MFSD6: variants seen among roughly 807,000 people sequenced by gnomAD.
MFSD6 encodes major facilitator superfamily domain-containing protein 6.
In MFSD6, 26 loss-of-function variants were observed where a neutral mutation model predicts 56.3. The ratio of observed to expected loss-of-function variants is 0.46; its 90% CI spans 0.34 to 0.64. The LOEUF is 0.64. Ranked by LOEUF, MFSD6 falls within the 30% of genes least tolerant of loss-of-function variation. MFSD6 has a pLI of 0.01. For missense variants in MFSD6, 750 were observed against 986.2 expected (o/e 0.76, Z 3.21); for synonymous variants, 331 against 366.9 (o/e 0.90, Z 1.12).
In MFSD6 at chr2:190,462,634, G is replaced by A. The variant is rs1401400789; in HGVS notation, c.1533-7124G>A. ...GAGTCCTCTAATGGAAACAAAGAGT[G>A]TAGCAGAGGAACAGCGGGGGACAGG... On this transcript the variant is annotated intron_variant, in intron 3 of 7. Coordinates refer to ENST00000392328, the MANE Select transcript of MFSD6 (RefSeq NM_017694.4). This position sits in a 1 kb window ranked among gnomAD's most constrained non-coding sequence, Gnocchi z 5.7. Among the ~76,000 whole-genome samples, 2 of 152,164 alleles carry A rather than the reference G, an allele frequency of 1.3e-5. No homozygotes were observed. The highest frequency in any genetic ancestry group is 2.9e-5 in the Non-Finnish European group (2 of 68,022).
intron 1 of MFSD6, among the ~76,000 whole-genome samples, chr2:190,409,869 T>C (rs1374265540): frequency 6.6e-6 from 1 of 152,170 alleles, no homozygotes; most frequent in Non-Finnish European, 1.5e-5. Context: ...ATGGCTTGTA[T>C]TTATCACGAG....
rs1687170391 is a variant in MFSD6, at chr2:190,458,728, AGAGAAGC to A, written c.1533-11029_1533-11023del. Among the ~76,000 whole-genome samples the A allele has an allele frequency of 6.6e-6, 1 of 152,188 alleles. No homozygotes were observed. Among genetic ancestry groups the A allele is most frequent in the African/African-American group, 2.4e-5 (1 of 41,450 alleles). The stretch of plus-strand genomic sequence containing the variant: ...GTGAAAGTGGCAAAAATCCTTACCC[AGAGAAGC>A]TTAAGTAAAATGGGGACTGTATTGT... On this transcript the variant is annotated intron_variant, in intron 3 of 7. Transcript: ENST00000392328. The surrounding 1 kb of genome is among the most constrained non-coding windows in gnomAD (Gnocchi z 5.3).
intron 3 of MFSD6, among the ~76,000 whole-genome samples, chr2:190,450,606 C>G (rs1686745333): frequency 6.6e-6 from 1 of 151,290 alleles, no homozygotes; most frequent in South Asian, 2.1e-4. Flanking sequence ...GATACCCCCA[C>G]CCCAGCCTCC....
chr2:190,411,788 A>C, intron 1 of MFSD6: 8 of 985,402 alleles, frequency 8.1e-6, no homozygotes, highest in Non-Finnish European at 9.6e-6. Flanking sequence ...TCTAATAGTA[A>C]CTGTAGCATA....
At chr2:190,449,690 A>C (rs910787625) in intron 3 of MFSD6, among the ~76,000 whole-genome samples, 3 of 152,140 alleles carry the variant, frequency 2.0e-5, no homozygotes, top group African/African-American at 4.8e-5. Context: ...AGCCATAAAA[A>C]ATGATGAGTT....
Position 190,436,128 on chromosome 2 carries a change from A to G in MFSD6, c.99A>G (p.Pro33=), listed in dbSNP as rs1686167192. 6.2e-7 allele frequency: 1 copy of G among 1,614,138 alleles called. No individual in the cohort carries two copies. The highest frequency in any genetic ancestry group is 1.3e-5 in the African/African-American group (1 of 74,950). The part of the protein sequence containing the change: ...ADPFNGISRE[P]EPPSNETPSS... Reference sequence around the variant, plus strand: ...CCTTTAATGGTATTTCCAGGGAACCAGAACCACCTTCGAATGAAACACCTT... The same window carrying G: ...CCTTTAATGGTATTTCCAGGGAACCGGAACCACCTTCGAATGAAACACCTT... Residue 33 remains proline (P), a synonymous_variant, in exon 3 of 8, where the codon CCA becomes CCG. Transcript: ENST00000392328. The surrounding 1 kb of genome is among the most constrained non-coding windows in gnomAD (Gnocchi z 5.3).
rs1214772359 is a variant in MFSD6 at position 190,489,970 on chromosome 2, T to C, written c.1891+104T>C. On this transcript the variant is annotated intron_variant, in intron 6 of 7. Coordinates refer to ENST00000392328, the MANE Select transcript of MFSD6 (RefSeq NM_017694.4). The surrounding 1 kb of genome is among the most constrained non-coding windows in gnomAD (Gnocchi z 6.6). ...AGTGGTACAGAGTATACAACAGGTC[T>C]GTTTGGCTCAATTTTCTGAGTGGCG... The C allele has an allele frequency of 1.1e-6, 1 of 921,150 alleles. No individual in the cohort carries two copies. Among genetic ancestry groups the C allele is most frequent in the Non-Finnish European group, 1.6e-6 (1 of 629,850 alleles). The allele number at this position is 921,150 out of a possible 1,614,324, so 57.1% of individuals were successfully genotyped here. A position where few individuals can be genotyped will look rare whatever the true frequency, so the allele number is the denominator to read the frequency against.
chr2:190,449,157 A>G (rs1686684576), intron 3 of MFSD6, among the ~76,000 whole-genome samples: 1 of 152,126 alleles, frequency 6.6e-6, no homozygotes, highest in African/African-American at 2.4e-5. Flanking sequence ...TTAAAATGAG[A>G]TCAGGTGCAA....
At chr2:190,480,341 G>A (rs1007572728) in intron 4 of MFSD6, among the ~76,000 whole-genome samples, 1 of 152,088 alleles carries the variant, frequency 6.6e-6, no homozygotes, top group Admixed American at 6.6e-5. Context: ...ATTAATGCTT[G>A]TTGTTTAATT....
In MFSD6 at chr2:190,431,601, A is replaced by G. The variant is rs976005623; in HGVS notation, c.-53-4376A>G. Among the ~76,000 whole-genome samples the G allele has an allele frequency of 3.9e-5, 6 of 152,208 alleles. No individual in the cohort carries two copies. Among genetic ancestry groups the G allele is most frequent in the East Asian group, 1.9e-4 (1 of 5,188 alleles). On this transcript the variant is annotated intron_variant, in intron 2 of 7. Coordinates refer to ENST00000392328, the MANE Select transcript of MFSD6 (RefSeq NM_017694.4). The surrounding 1 kb of genome is among the most constrained non-coding windows in gnomAD (Gnocchi z 4.4). ...GCGCCTGCAATCGCAGGCACTTGGCAGGCTGAGGCAGGGGAATCAGGCAGG... is the reference window on the plus strand; with the variant it reads ...GCGCCTGCAATCGCAGGCACTTGGCGGGCTGAGGCAGGGGAATCAGGCAGG...
intron 4 of MFSD6, among the ~76,000 whole-genome samples, chr2:190,481,973 C>A (rs983263570): frequency 1.3e-5 from 2 of 152,180 alleles, no homozygotes; most frequent in Admixed American, 1.3e-4. Flanking sequence ...CGTGGACATG[C>A]AGCTAGATTC....
Position 190,499,781 on chromosome 2 carries a change from C to T in MFSD6, c.2173-234C>T. The T allele has an allele frequency of 6.7e-7, 1 of 1,482,768 alleles. No individual in the cohort carries two copies. The highest frequency in any genetic ancestry group is 9.1e-7 in the Non-Finnish European group (1 of 1,104,972). The allele number at this position is 1,482,768 out of a possible 1,614,324, so 91.9% of individuals were successfully genotyped here. ...ATTTTGGTAGTAATGTTCCTTTTTC[C>T]ACAAGACACGTCTGCTTATAGTGTT... On this transcript the variant is annotated intron_variant, in intron 7 of 7. Transcript: ENST00000392328. The surrounding 1 kb of genome is among the most constrained non-coding windows in gnomAD (Gnocchi z 6.0).
intron 1 of MFSD6, among the ~76,000 whole-genome samples, chr2:190,409,233 T>G (rs1426201617): frequency 6.6e-6 from 1 of 152,188 alleles, no homozygotes; most frequent in Non-Finnish European, 1.5e-5. Flanking sequence ...AGAGCAATTT[T>G]CCTGCAAATT....
Position 190,496,699 on chromosome 2 carries a change from T to C in MFSD6, c.1892-740T>C, listed in dbSNP as rs927423639. On this transcript the variant is annotated intron_variant, in intron 6 of 7. Coordinates refer to ENST00000392328, the MANE Select transcript of MFSD6 (RefSeq NM_017694.4). This position sits in a 1 kb window ranked among gnomAD's most constrained non-coding sequence, Gnocchi z 4.7. ...GTGTGTATATACACACACACACATA[T>C]ACATACATACACAATGGAATACTAC... Among the ~76,000 whole-genome samples, 1 of 152,034 alleles carries C rather than the reference T, an allele frequency of 6.6e-6. No individual in the cohort carries two copies. Among genetic ancestry groups the C allele is most frequent in the African/African-American group, 2.4e-5 (1 of 41,382 alleles).
chr2:190,411,730 A>G (rs894802024), intron 1 of MFSD6: 1 of 985,448 alleles, frequency 1.0e-6, no homozygotes, highest in African/African-American at 1.7e-5. Context: ...CATACTGAGA[A>G]TTGGGGGGCA....
At chr2:190,484,760 A>G (rs968490225) in intron 4 of MFSD6, among the ~76,000 whole-genome samples, 1 of 152,168 alleles carries the variant, frequency 6.6e-6, no homozygotes, top group African/African-American at 2.4e-5. Context: ...CTGGTTTCCT[A>G]TCTAAGAAAT....
rs1227623527 is a variant in MFSD6 at position 190,439,361 on chromosome 2, G to T, written c.1532+1800G>T. Among the ~76,000 whole-genome samples, 1 of 151,730 alleles carries T rather than the reference G, an allele frequency of 6.6e-6. No homozygotes were observed. The highest frequency in any genetic ancestry group is 1.5e-5 in the Non-Finnish European group (1 of 67,930). ...TAGGTTCTATTTTCTTTTTTTTCACGTTTTATTTGTTTATTTTTTTATTAT... is the reference window on the plus strand; with the variant it reads ...TAGGTTCTATTTTCTTTTTTTTCACTTTTTATTTGTTTATTTTTTTATTAT... On this transcript the variant is annotated intron_variant, in intron 3 of 7. Coordinates refer to ENST00000392328, the MANE Select transcript of MFSD6 (RefSeq NM_017694.4). The surrounding 1 kb of genome is among the most constrained non-coding windows in gnomAD (Gnocchi z 5.8).
rs528725330 is a variant in MFSD6 at position 190,433,172 on chromosome 2, A to T, written c.-53-2805A>T. 6.6e-6 allele frequency among the ~76,000 whole-genome samples: 1 copy of T among 152,250 alleles called. No homozygotes were observed. Among genetic ancestry groups the T allele is most frequent in the African/African-American group, 2.4e-5 (1 of 41,532 alleles). On this transcript the variant is annotated intron_variant, in intron 2 of 7. Coordinates refer to ENST00000392328, the MANE Select transcript of MFSD6 (RefSeq NM_017694.4). This position sits in a 1 kb window ranked among gnomAD's most constrained non-coding sequence, Gnocchi z 4.5. ...GTCATTTTAGTGGGTTCAGGGAAGGATTCAAACTACATGTGTTTAATCTGC... is the reference window on the plus strand; with the variant it reads ...GTCATTTTAGTGGGTTCAGGGAAGGTTTCAAACTACATGTGTTTAATCTGC...
rs909008908 is a variant in MFSD6 at position 190,497,503 on chromosome 2, C to T, written c.1956C>T (p.Asp652=). 1.9e-6 allele frequency: 3 copies of T among 1,614,188 alleles called. No individual in the cohort carries two copies. The highest frequency in any genetic ancestry group is 2.5e-6 in the Non-Finnish European group (3 of 1,180,018). ...PSSPVPIATI[D]LVQQQTEDVM... is the part of the protein sequence containing the mutation. ...GTCCCGTTCCTATAGCAACCATCGA[C>T]TTGGTACAGCAACAGACAGAAGATG... is the stretch of plus-strand genomic sequence containing the variant. The change falls in exon 7 of 8, where the codon GAC becomes GAT. Residue 652 remains aspartate, a synonymous_variant. Transcript: ENST00000392328. This position sits in a 1 kb window ranked among gnomAD's most constrained non-coding sequence, Gnocchi z 5.2.
Sources: gnomAD v4.1 joint callset for allele counts (sites outside exome capture counted in the v4.1 genomes callset) on GRCh38, gnomAD v4.1.1 for gene constraint, Gnocchi (gnomAD v3.1) non-coding constraint, MANE v1.5 for transcripts, NCBI Gene and HGNC (gene_info 2026-07-23, HGNC 2026-07-21) for gene names.